MIA2: variants seen among roughly 807,000 people sequenced by gnomAD.
MIA2 encodes the protein MIA SH3 domain ER export factor 2, also known as melanoma inhibitory activity protein 2.
A neutral mutation model predicts 167.8 loss-of-function variants in MIA2; 127 were observed. The observed-to-expected ratio is 0.76, with a 90% CI of 0.66 to 0.88. MIA2 has a LOEUF of 0.88. Among genes scored for constraint, MIA2 ranks in the 40% least tolerant of loss-of-function variants. The probability of loss-of-function intolerance (pLI) is 0.00; values close to 1 mark genes in which losing one functional copy is unlikely to be tolerated. For missense variants in MIA2, 1,690 were observed against 1,624.7 expected (o/e 1.04, Z -0.69); for synonymous variants, 552 against 541.9 (o/e 1.02, Z -0.26).
rs762540444 is a variant in MIA2 at position 39,234,130 on chromosome 14, G to A, written c.16G>A (p.Val6Ile). ...TTGTTTTAGCATGGCAAAATTTGGC[G>A]TTCACAGAATCCTTCTTCTGGCTAT... MAKFGVHRILLLAISL... is the reference protein window; with the variant it reads MAKFGIHRILLLAISL... The change falls in exon 1 of 29, where the codon GTT (valine) becomes ATT (isoleucine). Residue 6 changes from valine (V) to isoleucine (I), a missense_variant. Physicochemically the swap from Val to Ile is conservative, Grantham distance 29. Coordinates refer to ENST00000640607, the MANE Select transcript of MIA2 (RefSeq NM_001329214.4). 86 of 1,602,170 alleles carry A rather than the reference G, an allele frequency of 5.4e-5. No homozygotes were observed. The Middle Eastern group carries it at 6.6e-4, about 12-fold the overall frequency.
rs1015714934 is a variant in MIA2 at position 39,236,918 on chromosome 14, A to G, written c.116-4A>G. 9 of 1,597,500 alleles carry G rather than the reference A, an allele frequency of 5.6e-6. No individual in the cohort carries two copies. The highest frequency in any genetic ancestry group is 2.3e-5 in the South Asian group (2 of 87,194). Reference sequence around the variant, plus strand: ...GTGTATTTTTCTTTACATGTTTTACATAGCTTTAATAAACAGAGTCTCAGC... The same window carrying G: ...GTGTATTTTTCTTTACATGTTTTACGTAGCTTTAATAAACAGAGTCTCAGC... On this transcript the variant is annotated splice_region_variant and splice_polypyrimidine_tract_variant and intron_variant, in intron 1 of 28. Transcript: ENST00000640607.
At chr14:39,240,276 G>A (rs17109044) in intron 2 of MIA2, among the ~76,000 whole-genome samples, 6,899 of 152,274 alleles carry the variant, frequency 0.045, 539 homozygotes, top group African/African-American at 0.16. Context: ...AAGAAAGGTC[G>A]TTAAAGAACA....
chr14:39,303,847 C>G (rs895182241), intron 16 of MIA2, among the ~76,000 whole-genome samples: 1 of 151,578 alleles, frequency 6.6e-6, no homozygotes, highest in Non-Finnish European at 1.5e-5. Flanking sequence ...ATTTTCTTAC[C>G]CCTTCTGCCC....
At chr14:39,291,669 A>G (rs1159685171) in intron 10 of MIA2, among the ~76,000 whole-genome samples, 2 of 152,140 alleles carry the variant, frequency 1.3e-5, no homozygotes, top group African/African-American at 2.4e-5. Context: ...TACTTCCACC[A>G]TGGCCAGTTT....
At chr14:39,337,981 C>T (rs1595790209) in intron 25 of MIA2, among the ~76,000 whole-genome samples, 1 of 152,128 alleles carries the variant, frequency 6.6e-6, no homozygotes, top group African/African-American at 2.4e-5. Flanking sequence ...CCTCGGCCTC[C>T]CAAAGTGCTG....
At chr14:39,386,050 C>A in intron 23 of MIA2, 2 of 1,180,050 alleles carry the variant, frequency 1.7e-6, no homozygotes, top group Non-Finnish European at 2.5e-6. Flanking sequence ...ACAACCTCTT[C>A]TTGCAAAAAG....
At chr14:39,357,228 G>T (rs1240403367) in intron 23 of MIA2, among the ~76,000 whole-genome samples, 1 of 152,092 alleles carries the variant, frequency 6.6e-6, no homozygotes, top group African/African-American at 2.4e-5. Context: ...TTATGAATCT[G>T]GGTGCTCCTG....
At chr14:39,285,416 G>C (rs1473608817) in intron 9 of MIA2, among the ~76,000 whole-genome samples, 2 of 142,790 alleles carry the variant, frequency 1.4e-5, no homozygotes, top group Non-Finnish European at 3.0e-5. Flanking sequence ...GCGGCTGGCC[G>C]GGCGGGGGCT....
At chr14:39,342,701 A>T (rs2072247149) in intron 25 of MIA2, among the ~76,000 whole-genome samples, 1 of 152,186 alleles carries the variant, frequency 6.6e-6, no homozygotes, top group South Asian at 2.1e-4. Context: ...TTGTGTGCGT[A>T]AATGTGTAAA....
At chr14:39,278,128 C>T (rs1219470378) in intron 7 of MIA2, among the ~76,000 whole-genome samples, 1 of 151,936 alleles carries the variant, frequency 6.6e-6, no homozygotes, top group African/African-American at 2.4e-5. Context: ...CGTGCACTAC[C>T]ATGCCTGGCT....
At chr14:39,313,654 G>A (rs1022053379) in intron 19 of MIA2, among the ~76,000 whole-genome samples, 2 of 152,048 alleles carry the variant, frequency 1.3e-5, no homozygotes, top group African/African-American at 4.8e-5. Context: ...GAGGAAAAAT[G>A]TTTTTCTTTC....
intron 23 of MIA2, among the ~76,000 whole-genome samples, chr14:39,365,666 T>C (rs965587482): frequency 5.3e-5 from 2 of 37,488 alleles, no homozygotes; most frequent in African/African-American, 1.8e-4. Context: ...TATCTATCTA[T>C]CTATCTATCT....
At chr14:39,288,856 G>C (rs1250916615) in intron 9 of MIA2, among the ~76,000 whole-genome samples, 3 of 152,038 alleles carry the variant, frequency 2.0e-5, no homozygotes, top group Non-Finnish European at 4.4e-5. Context: ...TCAATTTGCT[G>C]ATATTTTATT....
chr14:39,360,001 T>TGG (rs1595939641), intron 23 of MIA2, among the ~76,000 whole-genome samples: 2 of 151,224 alleles, frequency 1.3e-5, no homozygotes, highest in East Asian at 1.9e-4. Flanking sequence ...TGTTTTTTTT[T>TGG]TTTTTTTTTT....
At chr14:39,353,535 G>A (rs1300310671), downstream of MIA2, among the ~76,000 whole-genome samples, 3 of 152,038 alleles carry the variant, frequency 2.0e-5, no homozygotes, top group East Asian at 5.8e-4. Flanking sequence ...CATTTTTTAT[G>A]ACTGAATAGT....
intron 23 of MIA2, among the ~76,000 whole-genome samples, chr14:39,365,356 G>A (rs933966056): frequency 3.9e-5 from 6 of 152,096 alleles, no homozygotes; most frequent in Admixed American, 6.5e-5. Context: ...CACTGCACCC[G>A]GCCATTAAAT....
intron 23 of MIA2, among the ~76,000 whole-genome samples, chr14:39,367,670 A>C (rs143112091): frequency 1.8e-4 from 27 of 152,068 alleles, no homozygotes; most frequent in African/African-American, 6.5e-4. Flanking sequence ...TCACTTCTCT[A>C]TTCCATTCCA....
Position 39,350,571 on chromosome 14 carries a change from G to T in MIA2, c.*307G>T. ...TAAATTCTGAAGTCTGTGTCTTTAT[G>T]CCAAGAACTGTATTTACTGTGGTTG... is the stretch of plus-strand genomic sequence containing the variant. On this transcript the variant is annotated 3_prime_UTR_variant, in exon 29 of 29. Coordinates refer to ENST00000640607, the MANE Select transcript of MIA2 (RefSeq NM_001329214.4). The T allele has an allele frequency of 4.1e-6, 1 of 243,908 alleles. No homozygotes were observed. The highest frequency in any genetic ancestry group is 7.7e-6 in the Non-Finnish European group (1 of 129,146). The allele number at this position is 243,908 out of a possible 1,614,324, so 15.1% of individuals were successfully genotyped here.
At chr14:39,341,870 A>G (rs1329227539) in intron 25 of MIA2, among the ~76,000 whole-genome samples, 3 of 152,218 alleles carry the variant, frequency 2.0e-5, no homozygotes, top group African/African-American at 7.2e-5. Context: ...AAAGCTGTAT[A>G]TAGAATGTAT....
Sources: gnomAD v4.1 joint callset for allele counts (sites outside exome capture counted in the v4.1 genomes callset) on GRCh38, gnomAD v4.1.1 for gene constraint, MANE v1.5 for transcripts, NCBI Gene and HGNC (gene_info 2026-07-23, HGNC 2026-07-21) for gene names.